Variants in MGAM2 observed in about 807,000 individuals in gnomAD.
The protein encoded by MGAM2 is maltase-glucoamylase 2 (putative), also known as probable maltase-glucoamylase 2.
In MGAM2, 98 loss-of-function variants were observed where a neutral mutation model predicts 96.1. That is an observed-to-expected ratio of 1.02 (90% confidence interval 0.87 to 1.21). The LOEUF is 1.21. Ranked by LOEUF, MGAM2 falls within the 50% of genes most tolerant of loss-of-function variation. The probability of loss-of-function intolerance (pLI) is 0.00; values close to 1 mark genes in which losing one functional copy is unlikely to be tolerated. For missense variants in MGAM2, 2,055 were observed against 1,182.4 expected, an observed-to-expected ratio of 1.74 and a Z score of -10.82; for synonymous variants, 749 against 414.8, an observed-to-expected ratio of 1.81 and a Z score of -9.79.
chr7:142,134,598 G>A lies in MGAM2; in HGVS notation c.747+446G>A, dbSNP rs577761504. On this transcript the variant is annotated intron_variant, in intron 7 of 47. Coordinates refer to ENST00000477922, the MANE Select transcript of MGAM2 (RefSeq NM_001293626.2). ...GAAAGTGTGTTTCAGAAACGTCAGC[G>A]TTGGCATTACCTGGGAGGTTGTTAA... Among the ~76,000 whole-genome samples, 9 of 152,100 alleles carry A rather than the reference G, an allele frequency of 5.9e-5. No individual in the cohort carries two copies. The South Asian group carries it at 1.0e-3, about 18-fold the overall frequency.
intron 45 of MGAM2, among the ~76,000 whole-genome samples, chr7:142,206,969 T>A (rs1244117719): frequency 5.3e-5 from 8 of 152,324 alleles, no homozygotes; most frequent in Non-Finnish European, 1.0e-4. Context: ...TTTGCCCAGG[T>A]TGCATTTTCT....
chr7:142,131,161 C>G (rs1201160656), intron 4 of MGAM2, 90 bp downstream of exon 4: 2 of 659,982 alleles, frequency 3.0e-6, no homozygotes, highest in East Asian at 5.5e-5. Flanking sequence ...AAAAGTCAGG[C>G]AGGCGTGGTG....
chr7:142,198,549 A>G lies in MGAM2; in HGVS notation c.4924-66A>G, dbSNP rs1797123215. 2.1e-5 allele frequency: 14 copies of G among 662,580 alleles called. No homozygotes were observed. The East Asian group carries it at 3.8e-4, about 18-fold the overall frequency. The allele number at this position is 662,580 out of a possible 1,614,324, so 41.0% of individuals were successfully genotyped here. On this transcript the variant is annotated intron_variant, in intron 43 of 47. Coordinates refer to ENST00000477922, the MANE Select transcript of MGAM2 (RefSeq NM_001293626.2). ...CTTCCCAGGAAAGGAAGGACTTGTA[A>G]TTAAAACATGCTCTCATTTAATATA...
At chr7:142,135,248 G>C (rs1795023365) in intron 7 of MGAM2, among the ~76,000 whole-genome samples, 1 of 152,198 alleles carries the variant, frequency 6.6e-6, no homozygotes, top group African/African-American at 2.4e-5. Flanking sequence ...TTGCTGAGCA[G>C]AGCAAAGACA....
rs1247439063 is a variant in MGAM2, at chr7:142,221,257, A to G, written c.6746A>G (p.Asn2249Ser). Reference sequence around the variant, plus strand: ...CTTTTAGCTACAATGTCTGCTGGTAATATAACTAGTAATAGTATTTCCATA... The same window carrying G: ...CTTTTAGCTACAATGTCTGCTGGTAGTATAACTAGTAATAGTATTTCCATA... The part of the protein sequence containing the change: ...NFLLATMSAG[N>S]ITSNSISITT... Residue 2249 changes from asparagine to serine, a missense_variant, in exon 48 of 48, where the codon AAT (asparagine) becomes AGT (serine). Physicochemically the swap from Asn to Ser is conservative, Grantham distance 46. Transcript: ENST00000477922. 2 of 697,410 alleles carry G rather than the reference A, an allele frequency of 2.9e-6. No homozygotes were observed. Among genetic ancestry groups the G allele is most frequent in the Admixed American group, 4.0e-5 (2 of 49,550 alleles). 43.2% of individuals were successfully genotyped at this position (697,410 alleles called of 1,614,324 possible).
intron 37 of MGAM2, among the ~76,000 whole-genome samples, chr7:142,192,503 A>G (rs1209658723): frequency 6.6e-6 from 1 of 152,222 alleles, no homozygotes; most frequent in Admixed American, 6.5e-5. Context: ...GGGAAAATCA[A>G]TTAACTCTAC....
rs767622751 is a variant in MGAM2 at position 142,175,656 on chromosome 7, T to C, written c.3692T>C (p.Val1231Ala). 1 of 702,692 alleles carries C rather than the reference T, an allele frequency of 1.4e-6. No individual in the cohort carries two copies. Among genetic ancestry groups the C allele is most frequent in the South Asian group, 1.5e-5 (1 of 67,598 alleles). The allele number at this position is 702,692 out of a possible 1,614,324, so 43.5% of individuals were successfully genotyped here. A position where few individuals can be genotyped will look rare whatever the true frequency, so the allele number is the denominator to read the frequency against. Residue 1231 changes from valine (V) to alanine (A), a missense_variant, in exon 32 of 48, where the codon GTC (valine) becomes GCC (alanine). Transcript: ENST00000477922. ...CCTTGCTGCTTCTTTCTGCAGGACG[T>C]CCAGCATGTAGACATCGATTACATG... ...AMVAAQIPYDVQHVDIDYMNR... is the reference protein window; with the variant it reads ...AMVAAQIPYDAQHVDIDYMNR...
Position 142,220,990 on chromosome 7 carries a change from A to C in MGAM2, c.6479A>C (p.Asn2160Thr). The change falls in exon 48 of 48, where the codon AAT (asparagine) becomes ACT (threonine). Residue 2160 changes from asparagine to threonine, a missense_variant. Transcript: ENST00000477922. ...GCTAGCACTAGTACTAATGTTGCTA[A>C]TATAACTGCTACCTCTCATACAAGT... ...TNASTSTNVA[N>T]ITATSHTSTD... 1 of 702,256 alleles carries C rather than the reference A, an allele frequency of 1.4e-6. No homozygotes were observed. The highest frequency in any genetic ancestry group is 2.6e-6 in the Non-Finnish European group (1 of 384,732). 43.5% of individuals were successfully genotyped at this position (702,256 alleles called of 1,614,324 possible). A position where few individuals can be genotyped will look rare whatever the true frequency, so the allele number is the denominator to read the frequency against.
intron 10 of MGAM2, among the ~76,000 whole-genome samples, chr7:142,139,080 A>G (rs1290561037): frequency 6.6e-6 from 1 of 152,184 alleles, no homozygotes; most frequent in Non-Finnish European, 1.5e-5. Context: ...AGAAAGCAAC[A>G]CTGGAGGTGA....
chr7:142,114,875 T>C (rs1817333077), intron 1 of MGAM2, among the ~76,000 whole-genome samples: 1 of 151,974 alleles, frequency 6.6e-6, no homozygotes, highest in Non-Finnish European at 1.5e-5. Flanking sequence ...TGCATGAGAA[T>C]AAGAGTGTAG....
chr7:142,139,995 A>G (rs982119333), intron 10 of MGAM2, among the ~76,000 whole-genome samples: 1 of 152,204 alleles, frequency 6.6e-6, no homozygotes, highest in Non-Finnish European at 1.5e-5. Context: ...GTATTAGAAC[A>G]GTTGATGCCA....
chr7:142,147,490 C>T lies in MGAM2; in HGVS notation c.1551C>T (p.Leu517=). 3 of 702,798 alleles carry T rather than the reference C, an allele frequency of 4.3e-6. No homozygotes were observed. Among genetic ancestry groups the T allele is most frequent in the Non-Finnish European group, 7.8e-6 (3 of 384,876 alleles). The allele number at this position is 702,798 out of a possible 1,614,324, so 43.5% of individuals were successfully genotyped here. Reference sequence around the variant, plus strand: ...ATCACTTACTTTTTGCAAGAACTCTCTGCATGGACACGGAGTTTCATGGGG... The same window carrying T: ...ATCACTTACTTTTTGCAAGAACTCTTTGCATGGACACGGAGTTTCATGGGG... ...VLDHLLFART[L]CMDTEFHGGL... The change falls in exon 15 of 48, where the codon CTC becomes CTT. Residue 517 remains leucine, a synonymous_variant. Transcript: ENST00000477922.
intron 37 of MGAM2, among the ~76,000 whole-genome samples, chr7:142,190,688 G>T (rs1398816163): frequency 2.0e-5 from 3 of 152,042 alleles, no homozygotes; most frequent in African/African-American, 7.3e-5. Flanking sequence ...ACATTCTAAT[G>T]GGGGTAAAGT....
Position 142,160,304 on chromosome 7 carries a change from T to A in MGAM2, c.2345+46T>A. Reference sequence around the variant, plus strand: ...AGGTATGACTATTCTGGTGCTCTAATGGAGCAGGGCATTATGAGAAAGACA... The same window carrying A: ...AGGTATGACTATTCTGGTGCTCTAAAGGAGCAGGGCATTATGAGAAAGACA... On this transcript the variant is annotated intron_variant, in intron 21 of 47. Coordinates refer to ENST00000477922, the MANE Select transcript of MGAM2 (RefSeq NM_001293626.2). 4.7e-6 allele frequency: 3 copies of A among 638,712 alleles called. No homozygotes were observed. The South Asian group carries it at 5.4e-5, about 11-fold the overall frequency. The allele number at this position is 638,712 out of a possible 1,614,324, so 39.6% of individuals were successfully genotyped here.
At chr7:142,183,028 T>C (rs187422887) in intron 32 of MGAM2, among the ~76,000 whole-genome samples, 19 of 152,320 alleles carry the variant, frequency 1.2e-4, no homozygotes, top group Admixed American at 1.2e-3. Context: ...AGATTACCCC[T>C]CATAAGGGTT....
At chr7:142,193,820 G>A (rs1169527534) in intron 37 of MGAM2, among the ~76,000 whole-genome samples, 1 of 151,944 alleles carries the variant, frequency 6.6e-6, no homozygotes, top group Non-Finnish European at 1.5e-5. Context: ...CCTTGGATAA[G>A]CACAAACACA....
intron 37 of MGAM2, among the ~76,000 whole-genome samples, chr7:142,194,696 ATGTGTGTGTGTGTGTG>A (rs72262078): frequency 7.2e-6 from 1 of 138,364 alleles, no homozygotes; most frequent in African/African-American, 2.8e-5. Context: ...ACATGTGTGT[ATGTGTGTGTGTGTGTG>A]TGTGTGTGTG....
At chr7:142,166,300 G>A (rs771353283) in intron 25 of MGAM2, 47 bp downstream of exon 25, 21 of 651,386 alleles carry the variant, frequency 3.2e-5, no homozygotes, top group Non-Finnish European at 5.3e-5. Flanking sequence ...AAGTAATTAG[G>A]CACCTAGAAA....
intron 38 of MGAM2, 128 bp downstream of exon 38, chr7:142,196,415 C>T: frequency 1.5e-6 from 1 of 652,866 alleles, no homozygotes; most frequent in Non-Finnish European, 2.7e-6. Context: ...ACTGAGTTCT[C>T]TCTGGGCGTG....
Sources: gnomAD v4.1 joint callset for allele counts (sites outside exome capture counted in the v4.1 genomes callset) on GRCh38, gnomAD v4.1.1 for gene constraint, MANE v1.5 for transcripts, NCBI Gene and HGNC (gene_info 2026-07-23, HGNC 2026-07-21) for gene names.